The following AEN variants were observed in gnomAD, a reference collection of about 807,000 sequenced individuals.
The protein encoded by AEN is apoptosis-enhancing nuclease.
AEN carries 21 observed loss-of-function variants against 17.7 expected under a neutral mutation model. The ratio of observed to expected loss-of-function variants is 1.19; its 90% CI spans 0.84 to 1.71. AEN has a LOEUF of 1.71. AEN is among the 40% of genes most tolerant of loss of function. The pLI is 0.00. For synonymous variants in AEN, 190 were observed against 173.0 expected (o/e 1.10, Z -0.77); for missense variants, 462 against 435.9 (o/e 1.06, Z -0.53).
At position 88,630,319 on chromosome 15, in the gene AEN, G is replaced by C. The variant is rs147335655; in HGVS notation, c.*25G>C. The C allele has an allele frequency of 1.2e-5, 18 of 1,553,372 alleles. No homozygotes were observed. Among genetic ancestry groups the C allele is most frequent in the East Asian group, 2.4e-5 (1 of 41,450 alleles). On this transcript the variant is annotated 3_prime_UTR_variant, in exon 4 of 4. Coordinates refer to ENST00000332810, the MANE Select transcript of AEN (RefSeq NM_022767.4). The surrounding 1 kb of genome is among the most constrained non-coding windows in gnomAD (Gnocchi z 5.1). The stretch of plus-strand genomic sequence containing the variant: ...AGAAGGGGGCGGGGCTCCCTGGCTG[G>C]GCTTCCGGTGTGGCCGGTAGGAAGT...
chr15:88,617,469 T>G (rs965937869), upstream of AEN, among the ~76,000 whole-genome samples: 12 of 152,118 alleles, frequency 7.9e-5, no homozygotes, highest in Non-Finnish European at 1.5e-5. Context: ...GCCAGGCTGG[T>G]CTCAAACTTG....
intron 2 of AEN, chr15:88,627,516 C>A (rs1410405381): frequency 6.7e-6 from 1 of 149,576 alleles, no homozygotes. Context: ...GCACAATACA[C>A]CAATAAGTAT....
upstream of AEN, among the ~76,000 whole-genome samples, chr15:88,617,925 A>G (rs533837860): frequency 4.7e-4 from 71 of 152,344 alleles, 1 homozygote; most frequent in South Asian, 0.014. Flanking sequence ...AGCCTAAACC[A>G]GCATGAAATC....
the AEN span, chr15:88,608,021 T>G: frequency 4.3e-6 from 2 of 467,530 alleles, no homozygotes; most frequent in Non-Finnish European, 9.1e-6. Context: ...AACAGTTGTG[T>G]GGTTTTTTTT....
chr15:88,628,698 TAATC>T (rs1043339353), intron 2 of AEN: 1 of 153,002 alleles, frequency 6.5e-6, no homozygotes, highest in Non-Finnish European at 1.5e-5. Context: ...GATAAGTAAA[TAATC>T]AATAAATGTA....
the AEN span, among the ~76,000 whole-genome samples, chr15:88,615,475 C>T: frequency 1.3e-5 from 2 of 152,066 alleles, no homozygotes; most frequent in East Asian, 1.9e-4. Context: ...AGCTAAGAGG[C>T]GGGGAGCTGC....
chr15:88,613,446 G>A, the AEN span, among the ~76,000 whole-genome samples: 1 of 152,202 alleles, frequency 6.6e-6, no homozygotes, highest in Non-Finnish European at 1.5e-5. Context: ...CAGCGGGAGA[G>A]AAGCCCAGAT....
the AEN span, among the ~76,000 whole-genome samples, chr15:88,614,870 T>G: frequency 6.6e-6 from 1 of 151,328 alleles, no homozygotes; most frequent in Non-Finnish European, 1.5e-5. Context: ...GGTGCTTTTT[T>G]GTTGTTGTTG....
the AEN span, among the ~76,000 whole-genome samples, chr15:88,610,548 C>T: frequency 6.6e-6 from 1 of 152,100 alleles, no homozygotes; most frequent in Non-Finnish European, 1.5e-5. Context: ...GAGATGTGCC[C>T]TGTCTCAGGC....
At position 88,631,859 on chromosome 15, in the gene AEN, G is replaced by A. The variant is rs1291633208; in HGVS notation, c.*1565G>A. 6.6e-6 allele frequency: 1 copy of A among 152,430 alleles called. No individual in the cohort carries two copies. The highest frequency in any genetic ancestry group is 1.5e-5 in the Non-Finnish European group (1 of 68,214). The allele number at this position is 152,430 out of a possible 1,614,324, so 9.4% of individuals were successfully genotyped here. A position where few individuals can be genotyped will look rare whatever the true frequency, so the allele number is the denominator to read the frequency against. ...CCGTGTGTCTTGTCTGTGGCCACCAGGCACAGGTTTGGCTTCCGGTCAGTG... is the reference window on the plus strand; with the variant it reads ...CCGTGTGTCTTGTCTGTGGCCACCAAGCACAGGTTTGGCTTCCGGTCAGTG... On this transcript the variant is annotated 3_prime_UTR_variant, in exon 4 of 4. Coordinates refer to ENST00000332810, the MANE Select transcript of AEN (RefSeq NM_022767.4).
Position 88,630,965 on chromosome 15 carries a change from C to A in AEN, c.*671C>A. The A allele has an allele frequency of 2.7e-6, 1 of 364,332 alleles. No homozygotes were observed. Among genetic ancestry groups the A allele is most frequent in the Non-Finnish European group, 5.7e-6 (1 of 176,756 alleles). The allele number at this position is 364,332 out of a possible 1,614,324, so 22.6% of individuals were successfully genotyped here. A position where few individuals can be genotyped will look rare whatever the true frequency, so the allele number is the denominator to read the frequency against. On this transcript the variant is annotated 3_prime_UTR_variant, in exon 4 of 4. Transcript: ENST00000332810. This position sits in a 1 kb window ranked among gnomAD's most constrained non-coding sequence, Gnocchi z 5.1. ...ACAGTGGAATAGCAGAGCCCACAGG[C>A]TTCTCGTGGGGAGTTGGCTCCTTAA...
At chr15:88,628,746 A>C (rs16942113) in intron 2 of AEN, 20,693 of 154,072 alleles carry the variant, frequency 0.13, 1,543 homozygotes, top group African/African-American at 0.18. Context: ...ATAGGCATTA[A>C]AAAAAAAGAA....
chr15:88,618,587 G>C (rs2057757322), upstream of AEN, among the ~76,000 whole-genome samples: 1 of 152,208 alleles, frequency 6.6e-6, no homozygotes, highest in Non-Finnish European at 1.5e-5. Flanking sequence ...GATTGAGCCA[G>C]TTATTTTTCC....
At chr15:88,608,254 G>T in the AEN span, 1 of 469,058 alleles carries the variant, frequency 2.1e-6, no homozygotes, top group South Asian at 1.6e-5. Context: ...CAGTAGCAAA[G>T]GACAGAACTC....
rs148413471 is a variant in AEN at position 88,624,117 on chromosome 15, C to G, written c.-64-2029C>G. ...CACCTCTGCTTCAGCCCTTAACACA[C>G]TTTATGCTTGGTTTCTGTCTCCACC... On this transcript the variant is annotated intron_variant, in intron 1 of 3. Transcript: ENST00000332810. Among the ~76,000 whole-genome samples the G allele has an allele frequency of 2.6e-5, 4 of 152,364 alleles. No individual in the cohort carries two copies. The East Asian group carries it at 7.7e-4, about 29-fold the overall frequency.
chr15:88,616,170 T>G, the AEN span, among the ~76,000 whole-genome samples: 2 of 150,514 alleles, frequency 1.3e-5, no homozygotes, highest in Non-Finnish European at 3.0e-5. Context: ...CTCGGCTCAC[T>G]GCAACCTCTG....
the AEN span, among the ~76,000 whole-genome samples, chr15:88,611,433 TAAAAAAAAAAAA>T: frequency 1.1e-5 from 1 of 94,026 alleles, no homozygotes; most frequent in South Asian, 3.7e-4. Context: ...TTGTCTTTAC[TAAAAAAAAAAAA>T]AAAAAAAAAA....
intron 2 of AEN, chr15:88,627,741 T>G (rs1336921743): frequency 1.3e-5 from 2 of 152,232 alleles, no homozygotes; most frequent in East Asian, 3.8e-4. Flanking sequence ...CCCTCTTGGC[T>G]TAGTTCAGTT....
rs1368232589 is a variant in AEN, at chr15:88,629,376, C to T, written c.691C>T (p.Arg231Trp). ...LSEPGLHTRA[R>W]VSLKDLALQL... ...CGAGCCCGGCCTCCACACCCGGGCCCGGGTCTCTCTAAAGGACCTGGCCCT... is the reference window on the plus strand; with the variant it reads ...CGAGCCCGGCCTCCACACCCGGGCCTGGGTCTCTCTAAAGGACCTGGCCCT... The change falls in exon 3 of 4, where the codon CGG becomes TGG. Residue 231 changes from arginine to tryptophan, a missense_variant. Coordinates refer to ENST00000332810, the MANE Select transcript of AEN (RefSeq NM_022767.4). 13 of 1,614,010 alleles carry T rather than the reference C, an allele frequency of 8.1e-6. No homozygotes were observed. The highest frequency in any genetic ancestry group is 3.3e-5 in the Admixed American group (2 of 60,010).
Sources: gnomAD v4.1 joint callset for allele counts (sites outside exome capture counted in the v4.1 genomes callset) on GRCh38, gnomAD v4.1.1 for gene constraint, Gnocchi (gnomAD v3.1) non-coding constraint, MANE v1.5 for transcripts, NCBI Gene and HGNC (gene_info 2026-07-23, HGNC 2026-07-21) for gene names.